Variants in FAM110B observed in about 807,000 individuals in gnomAD.
The protein encoded by FAM110B is protein FAM110B.
A neutral mutation model predicts 20.4 loss-of-function variants in FAM110B; 6 were observed. The ratio of observed to expected loss-of-function variants is 0.29; its 90% CI spans 0.16 to 0.58. The LOEUF (loss-of-function observed/expected upper bound fraction) is 0.58. FAM110B is among the 20% of genes least tolerant of loss of function. The probability of loss-of-function intolerance (pLI) is 0.90; values close to 1 mark genes in which losing one functional copy is unlikely to be tolerated. For missense variants in FAM110B, 434 were observed against 498.2 expected, an observed-to-expected ratio of 0.87 and a Z score of 1.23; for synonymous variants, 226 against 214.1, an observed-to-expected ratio of 1.06 and a Z score of -0.49.
chr8:58,145,320 T>G (rs995851531), intron 3 of FAM110B, among the ~76,000 whole-genome samples: 3 of 152,154 alleles, frequency 2.0e-5, no homozygotes, highest in South Asian at 4.1e-4. Context: ...TTGAGGTTTT[T>G]TTTTTTTTTT....
At chr8:58,134,058 C>T (rs866244001) in intron 3 of FAM110B, among the ~76,000 whole-genome samples, 1 of 152,060 alleles carries the variant, frequency 6.6e-6, no homozygotes, top group Non-Finnish European at 1.5e-5. Context: ...AGGTGTCTAT[C>T]GTCTTACGTG....
intron 3 of FAM110B, among the ~76,000 whole-genome samples, chr8:58,084,800 A>G (rs548802758): frequency 6.6e-6 from 1 of 152,248 alleles, no homozygotes; most frequent in East Asian, 1.9e-4. Flanking sequence ...TTACCTATTC[A>G]TGGGGATTAT....
At chr8:58,103,733 C>T (rs996220664) in intron 3 of FAM110B, among the ~76,000 whole-genome samples, 1 of 152,072 alleles carries the variant, frequency 6.6e-6, no homozygotes, top group Admixed American at 6.6e-5. Flanking sequence ...ACTTCATGTC[C>T]CTCGGAATCT....
chr8:58,018,690 T>C (rs1804684335), intron 1 of FAM110B, among the ~76,000 whole-genome samples: 1 of 152,204 alleles, frequency 6.6e-6, no homozygotes. Flanking sequence ...TTGATCTGTT[T>C]GTTCCTTCTT....
At chr8:58,026,999 A>G (rs1804867140) in intron 1 of FAM110B, among the ~76,000 whole-genome samples, 1 of 152,212 alleles carries the variant, frequency 6.6e-6, no homozygotes, top group Non-Finnish European at 1.5e-5. Context: ...TTAAAAGAAC[A>G]CGAACTCAAG....
At chr8:58,110,354 T>C (rs1807030493) in intron 3 of FAM110B, among the ~76,000 whole-genome samples, 1 of 152,178 alleles carries the variant, frequency 6.6e-6, no homozygotes, top group Admixed American at 6.5e-5. Context: ...ACTTAGGATG[T>C]TATTCTGCAT....
chr8:58,103,100 G>A (rs1253976535), intron 3 of FAM110B, among the ~76,000 whole-genome samples: 1 of 152,054 alleles, frequency 6.6e-6, no homozygotes, highest in Non-Finnish European at 1.5e-5. Context: ...CTTTGTAAGG[G>A]GGTACAGGAA....
chr8:58,101,536 C>A (rs1806780125), intron 3 of FAM110B, among the ~76,000 whole-genome samples: 1 of 152,142 alleles, frequency 6.6e-6, no homozygotes, highest in Non-Finnish European at 1.5e-5. Context: ...ATAGTAATTC[C>A]ATTTTAACCC....
At chr8:58,094,858 G>A (rs1002112712) in intron 3 of FAM110B, among the ~76,000 whole-genome samples, 2 of 152,024 alleles carry the variant, frequency 1.3e-5, no homozygotes, top group African/African-American at 2.4e-5. Flanking sequence ...GGTAGAATTC[G>A]CTATGAATTC....
intron 2 of FAM110B, among the ~76,000 whole-genome samples, chr8:58,059,663 G>A (rs1408030415): frequency 6.6e-6 from 1 of 151,034 alleles, no homozygotes; most frequent in Non-Finnish European, 1.5e-5. Flanking sequence ...TTTCAAGTAT[G>A]TGTATTGGAT....
At chr8:58,019,556 C>T (rs1326800823) in intron 1 of FAM110B, among the ~76,000 whole-genome samples, 2 of 151,936 alleles carry the variant, frequency 1.3e-5, no homozygotes, top group Non-Finnish European at 2.9e-5. Context: ...GATTAACTTT[C>T]TTAGCTTTCA....
intron 3 of FAM110B, among the ~76,000 whole-genome samples, chr8:58,089,286 T>C (rs532727607): frequency 3.3e-5 from 5 of 152,352 alleles, no homozygotes; most frequent in African/African-American, 9.6e-5. Context: ...ATTGGGGATC[T>C]TTATGTAGAT....
In FAM110B at chr8:58,052,843, T is replaced by C. The variant is rs1003084002; in HGVS notation, c.-414+21140T>C. The stretch of plus-strand genomic sequence containing the variant: ...CTCTGTCGCCCAGGCTGGAGTGCAG[T>C]GGCGCGATCTCGGCTCACTGCAAGC... On this transcript the variant is annotated intron_variant, in intron 2 of 3. Coordinates refer to ENST00000519262, the MANE Select transcript of FAM110B (RefSeq NM_001377989.1). Among the ~76,000 whole-genome samples, 31 of 125,546 alleles carry C rather than the reference T, an allele frequency of 2.5e-4. 1 individual carries two copies. In the Admixed American group the frequency reaches 3.1e-3, roughly 12 times the overall value. The allele number at this position is 125,546 out of a possible 152,430, so 82.4% of individuals were successfully genotyped here. A position where few individuals can be genotyped will look rare whatever the true frequency, so the allele number is the denominator to read the frequency against.
chr8:58,122,877 TTGCTGATGATGGAG>T (rs371601606), intron 3 of FAM110B, among the ~76,000 whole-genome samples: 40 of 151,996 alleles, frequency 2.6e-4, no homozygotes, highest in African/African-American at 9.4e-4. Context: ...GAGGTGGGAG[TTGCTGATGATGGAG>T]TGTGCTGTAT....
chr8:58,076,331 T>C (rs533955248), intron 3 of FAM110B, among the ~76,000 whole-genome samples: 1 of 152,202 alleles, frequency 6.6e-6, no homozygotes, highest in South Asian at 2.1e-4. Context: ...TGGGAGTGGG[T>C]GACCCGCAGA....
intron 3 of FAM110B, among the ~76,000 whole-genome samples, chr8:58,103,506 C>T (rs1220599437): frequency 6.6e-6 from 1 of 152,150 alleles, no homozygotes; most frequent in Non-Finnish European, 1.5e-5. Flanking sequence ...ATGAACTCAT[C>T]ATTTTTTATG....
At chr8:58,049,606 G>A (rs758678421) in intron 2 of FAM110B, among the ~76,000 whole-genome samples, 1 of 152,000 alleles carries the variant, frequency 6.6e-6, no homozygotes, top group Non-Finnish European at 1.5e-5. Context: ...TAACTCCCTG[G>A]CTACACTGAA....
intron 1 of FAM110B, chr8:58,031,266 T>C (rs1429636572): frequency 6.6e-6 from 1 of 152,208 alleles, no homozygotes; most frequent in Non-Finnish European, 1.5e-5. Context: ...ATTTTCTGCA[T>C]GATTCTGTGA....
intron 1 of FAM110B, among the ~76,000 whole-genome samples, chr8:58,000,454 A>T (rs967482243): frequency 1.3e-4 from 20 of 152,226 alleles, no homozygotes; most frequent in Admixed American, 1.3e-4. Context: ...AGAAATAAGA[A>T]TATTTGTGTA....
Sources: gnomAD v4.1 joint callset for allele counts (sites outside exome capture counted in the v4.1 genomes callset) on GRCh38, gnomAD v4.1.1 for gene constraint, MANE v1.5 for transcripts, NCBI Gene and HGNC (gene_info 2026-07-23, HGNC 2026-07-21) for gene names.